BNC2: variants seen among roughly 807,000 people sequenced by gnomAD.
BNC2 encodes zinc finger protein basonuclin-2.
In BNC2, 20 loss-of-function variants were observed where a neutral mutation model predicts 76.3. The ratio of observed to expected loss-of-function variants is 0.26; its 90% CI spans 0.18 to 0.38. BNC2 has a LOEUF of 0.38. Among genes scored for constraint, BNC2 ranks in the 10% least tolerant of loss-of-function variants. BNC2 has a pLI of 1.00. For missense variants in BNC2, 1,382 were observed against 1,399.8 expected (o/e 0.99, Z 0.20); for synonymous variants, 582 against 514.8 (o/e 1.13, Z -1.77).
At chr9:16,504,150 C>T (rs928356501) in intron 5 of BNC2, among the ~76,000 whole-genome samples, 1 of 151,680 alleles carries the variant, frequency 6.6e-6, no homozygotes, top group South Asian at 2.1e-4. Context: ...TCCTCATCTG[C>T]GAAATAAGGA....
At chr9:16,716,842 C>G (rs1454941320) in intron 3 of BNC2, among the ~76,000 whole-genome samples, 2 of 152,116 alleles carry the variant, frequency 1.3e-5, no homozygotes, top group Non-Finnish European at 2.9e-5. Context: ...CCATTTTTAC[C>G]TAAAGAATGT....
At chr9:16,834,606 C>T (rs757958690) in intron 1 of BNC2, among the ~76,000 whole-genome samples, 1 of 152,164 alleles carries the variant, frequency 6.6e-6, no homozygotes, top group Non-Finnish European at 1.5e-5. Flanking sequence ...CATCTTGAAG[C>T]CAATGTTTGC....
chr9:16,487,716 G>A (rs1317520865), intron 5 of BNC2, among the ~76,000 whole-genome samples: 1 of 152,198 alleles, frequency 6.6e-6, no homozygotes, highest in Non-Finnish European at 1.5e-5. Flanking sequence ...CATGTCCACT[G>A]CTATGTAAGC....
intron 4 of BNC2, among the ~76,000 whole-genome samples, chr9:16,553,915 C>T (rs1818741866): frequency 6.6e-6 from 1 of 152,120 alleles, no homozygotes; most frequent in Admixed American, 6.5e-5. Flanking sequence ...ACTCTAAACT[C>T]CTTAAGAGAA....
intron 5 of BNC2, among the ~76,000 whole-genome samples, chr9:16,513,847 T>C (rs1050719287): frequency 2.6e-5 from 4 of 152,138 alleles, no homozygotes; most frequent in African/African-American, 9.7e-5. Context: ...CTAGGGAGTT[T>C]CTTAATGGAA....
At chr9:16,618,137 G>C (rs140767601) in intron 3 of BNC2, among the ~76,000 whole-genome samples, 1 of 152,126 alleles carries the variant, frequency 6.6e-6, no homozygotes, top group Non-Finnish European at 1.5e-5. Context: ...CCAATGGAAC[G>C]CCAGCTACCC....
intron 3 of BNC2, among the ~76,000 whole-genome samples, chr9:16,630,129 C>T (rs923814700): frequency 1.3e-5 from 2 of 152,176 alleles, no homozygotes; most frequent in African/African-American, 4.8e-5. Context: ...GGAGGTATGC[C>T]TATGTTCAAG....
chr9:16,715,849 G>A (rs903532734), intron 3 of BNC2, among the ~76,000 whole-genome samples: 11 of 151,916 alleles, frequency 7.2e-5, no homozygotes, highest in Admixed American at 1.3e-4. Flanking sequence ...TAGAGTTTCT[G>A]GGAAAAAAAG....
intron 1 of BNC2, among the ~76,000 whole-genome samples, chr9:16,820,287 G>A (rs1045478635): frequency 2.0e-5 from 3 of 151,790 alleles, no homozygotes; most frequent in East Asian, 1.9e-4. Context: ...TTAGCTGGGC[G>A]TGGTGGCAGG....
rs568955982 is a variant in BNC2 at position 16,506,513 on chromosome 9, C to CTTTTTTTTTTTTTTTTTTTTTT, written c.669+45995_669+46016dup. On this transcript the variant is annotated intron_variant, in intron 5 of 6. Coordinates refer to ENST00000380672, the MANE Select transcript of BNC2 (RefSeq NM_017637.6). ...GTACACTTCTCTCTCTCTCTCTCCTCTTTTTTTTTTTTTTTTTTTTTTTTT... is the reference window on the plus strand; with the variant it reads ...GTACACTTCTCTCTCTCTCTCTCCTCTTTTTTTTTTTTTTTTTTTTTTTTTTTTTTTTTTTTTTTTTTTTTTT... Among the ~76,000 whole-genome samples the CTTTTTTTTTTTTTTTTTTTTTT allele has an allele frequency of 4.6e-5, 2 of 43,314 alleles. 1 individual carries two copies. The highest frequency in any genetic ancestry group is 1.6e-4 in the African/African-American group (2 of 12,382). The allele number at this position is 43,314 out of a possible 152,430, so 28.4% of individuals were successfully genotyped here. A position where few individuals can be genotyped will look rare whatever the true frequency, so the allele number is the denominator to read the frequency against.
intron 3 of BNC2, among the ~76,000 whole-genome samples, chr9:16,590,530 C>A (rs573519274): frequency 1.3e-5 from 2 of 151,436 alleles, no homozygotes; most frequent in Admixed American, 1.3e-4. Context: ...ACATTTCTAT[C>A]CTAGCAGGGA....
intron 1 of BNC2, among the ~76,000 whole-genome samples, chr9:16,776,468 A>G (rs957691134): frequency 4.6e-5 from 7 of 152,148 alleles, no homozygotes; most frequent in Non-Finnish European, 8.8e-5. Flanking sequence ...TCAGATTAAA[A>G]TTATTTAAAA....
chr9:16,738,213 A>G (rs999895865), intron 2 of BNC2, 147 bp downstream of exon 2: 28 of 864,100 alleles, frequency 3.2e-5, no homozygotes, highest in Non-Finnish European at 4.8e-5. Context: ...AAGCAAATAA[A>G]TACCTGAGTT....
intron 5 of BNC2, among the ~76,000 whole-genome samples, chr9:16,446,083 CACTG>C (rs1463739243): frequency 6.6e-6 from 1 of 152,268 alleles, no homozygotes; most frequent in Middle Eastern, 3.4e-3. Context: ...TTTCTGTAAA[CACTG>C]ACTGCATATA....
intron 3 of BNC2, among the ~76,000 whole-genome samples, chr9:16,681,297 G>A (rs755460493): frequency 6.6e-6 from 1 of 152,174 alleles, no homozygotes; most frequent in Non-Finnish European, 1.5e-5. Flanking sequence ...GAGTCATATG[G>A]ACCTCATTCT....
intron 5 of BNC2, among the ~76,000 whole-genome samples, chr9:16,522,789 G>A (rs1004578743): frequency 1.3e-5 from 2 of 152,144 alleles, no homozygotes; most frequent in Non-Finnish European, 2.9e-5. Flanking sequence ...AACATCCACC[G>A]ATTTGGACCT....
chr9:16,503,018 T>C (rs569926000), intron 5 of BNC2, among the ~76,000 whole-genome samples: 19 of 152,286 alleles, frequency 1.2e-4, no homozygotes, highest in African/African-American at 4.6e-4. Flanking sequence ...CACATGGAAG[T>C]TAAATGAATT....
chr9:16,829,045 C>A (rs1476866256), intron 1 of BNC2, among the ~76,000 whole-genome samples: 1 of 152,074 alleles, frequency 6.6e-6, no homozygotes, highest in Admixed American at 6.5e-5. Flanking sequence ...GGAGCCGGCA[C>A]GAGGCACCAG....
intron 2 of BNC2, among the ~76,000 whole-genome samples, chr9:16,735,340 G>A (rs952907073): frequency 6.7e-6 from 1 of 149,104 alleles, no homozygotes; most frequent in African/African-American, 2.5e-5. Context: ...TATATTCAAT[G>A]TTTTATGAGA....
Sources: allele counts gnomAD v4.1 joint callset (sites outside exome capture counted in the v4.1 genomes callset), GRCh38; gene constraint gnomAD v4.1.1; transcripts MANE v1.5; gene names NCBI Gene and HGNC (gene_info 2026-07-23, HGNC 2026-07-21).